The following CSGALNACT1 variants were observed in gnomAD, a reference collection of about 807,000 sequenced individuals.
CSGALNACT1 encodes chondroitin sulfate N-acetylgalactosaminyltransferase 1, also known as beta4GalNAcT-1.
A neutral mutation model predicts 51.0 loss-of-function variants in CSGALNACT1; 52 were observed. That is an observed-to-expected ratio of 1.02 (90% CI 0.82 to 1.29). The LOEUF (loss-of-function observed/expected upper bound fraction) is 1.29, where lower values mean the gene tolerates loss of function less well. Among genes scored for constraint, CSGALNACT1 ranks in the 50% most tolerant of loss-of-function variants. The pLI, the probability that CSGALNACT1 is intolerant of heterozygous loss-of-function variation, is 0.00. For synonymous variants in CSGALNACT1, 341 were observed against 254.4 expected, an observed-to-expected ratio of 1.34 and a Z score of -3.24; for missense variants, 935 against 679.2, an observed-to-expected ratio of 1.38 and a Z score of -4.19.
At chr8:19,731,392 C>T (rs1390486350) in intron 1 of CSGALNACT1, among the ~76,000 whole-genome samples, 1 of 152,148 alleles carries the variant, frequency 6.6e-6, no homozygotes, top group African/African-American at 2.4e-5. Flanking sequence ...CCTGTAATCC[C>T]AGCTTCTTGG....
intron 1 of CSGALNACT1, among the ~76,000 whole-genome samples, chr8:19,640,123 T>C (rs1433324106): frequency 6.6e-6 from 1 of 152,096 alleles, no homozygotes; most frequent in Non-Finnish European, 1.5e-5. Flanking sequence ...ATAACAAAGA[T>C]ATATAAGGTA....
intron 1 of CSGALNACT1, among the ~76,000 whole-genome samples, chr8:19,736,990 G>A (rs534154673): frequency 1.4e-4 from 21 of 151,946 alleles, no homozygotes; most frequent in South Asian, 2.1e-4. Flanking sequence ...GTAGAGATAG[G>A]AAAAACAAAG....
At chr8:19,554,710 G>C (rs1298317876) in intron 3 of CSGALNACT1, among the ~76,000 whole-genome samples, 1 of 152,120 alleles carries the variant, frequency 6.6e-6, no homozygotes, top group African/African-American at 2.4e-5. Flanking sequence ...CTGAGGTCAG[G>C]AGTTCAAGAC....
intron 6 of CSGALNACT1, among the ~76,000 whole-genome samples, chr8:19,424,572 G>A (rs193067750): frequency 2.6e-5 from 4 of 152,276 alleles, no homozygotes; most frequent in Admixed American, 2.0e-4. Flanking sequence ...CTCCTCATCT[G>A]AAACTTACCA....
At chr8:19,472,561 G>T (rs759196054) in intron 4 of CSGALNACT1, among the ~76,000 whole-genome samples, 3 of 152,188 alleles carry the variant, frequency 2.0e-5, no homozygotes, top group Admixed American at 6.5e-5. Flanking sequence ...ACCAATTCAA[G>T]GTTGCAAATG....
At chr8:19,646,528 G>C (rs1230951458) in intron 1 of CSGALNACT1, among the ~76,000 whole-genome samples, 1 of 152,188 alleles carries the variant, frequency 6.6e-6, no homozygotes, top group Admixed American at 6.5e-5. Flanking sequence ...AGAAACAATA[G>C]TGTCCAACGG....
intron 6 of CSGALNACT1, among the ~76,000 whole-genome samples, chr8:19,432,993 A>G (rs749260337): frequency 5.9e-5 from 9 of 152,078 alleles, no homozygotes; most frequent in Admixed American, 3.3e-4. Context: ...GTTTCTTCAC[A>G]TGCCTCATAA....
At chr8:19,405,347 A>G (rs778582347) in exon 10 of CSGALNACT1, 11 of 455,360 alleles carry the variant, frequency 2.4e-5, no homozygotes, top group South Asian at 1.1e-4. Context: ...CTGATATTTT[A>G]GCATTCCTAG....
chr8:19,585,241 C>T (rs1481488531), intron 3 of CSGALNACT1: 1 of 152,218 alleles, frequency 6.6e-6, no homozygotes, highest in Admixed American at 6.5e-5. Flanking sequence ...CACAAAGGTT[C>T]TCTCCTCCAA....
chr8:19,668,385 C>G (rs960564328), intron 1 of CSGALNACT1, among the ~76,000 whole-genome samples: 2 of 151,970 alleles, frequency 1.3e-5, no homozygotes, highest in Admixed American at 6.6e-5. Context: ...GGCAATCATT[C>G]CACATGAGCC....
intron 3 of CSGALNACT1, among the ~76,000 whole-genome samples, chr8:19,519,002 G>C (rs1215620379): frequency 6.6e-6 from 1 of 152,184 alleles, no homozygotes; most frequent in Admixed American, 6.5e-5. Flanking sequence ...GGTAGAAGGG[G>C]GGAACTGACG....
intron 1 of CSGALNACT1, among the ~76,000 whole-genome samples, chr8:19,622,187 C>A (rs146432209): frequency 2.0e-5 from 3 of 152,324 alleles, no homozygotes; most frequent in African/African-American, 4.8e-5. Context: ...TCAATGTCTT[C>A]CTCCAGGTCA....
At chr8:19,748,545 G>A (rs981714605) in intron 1 of CSGALNACT1, among the ~76,000 whole-genome samples, 1 of 152,072 alleles carries the variant, frequency 6.6e-6, no homozygotes, top group African/African-American at 2.4e-5. Flanking sequence ...TGCCATAACA[G>A]TTGACACATA....
intron 1 of CSGALNACT1, among the ~76,000 whole-genome samples, chr8:19,623,149 CAG>C (rs1171805999): frequency 3.3e-5 from 5 of 152,138 alleles, no homozygotes; most frequent in African/African-American, 1.2e-4. Flanking sequence ...ACTAACCAAA[CAG>C]AAACTGGGAA....
chr8:19,451,987 G>A lies in CSGALNACT1; in HGVS notation c.851+6439C>T, dbSNP rs1251043926. Among the ~76,000 whole-genome samples, 5 of 152,168 alleles carry A rather than the reference G, an allele frequency of 3.3e-5. No individual in the cohort carries two copies. The South Asian group carries it at 1.0e-3, about 31-fold the overall frequency. ...AAAGGTGATGCATGGGAAGGATAAT[G>A]CTTTAAATACATTAATCTGAAATAG... is the stretch of plus-strand genomic sequence containing the variant. On this transcript the variant is annotated intron_variant, in intron 5 of 9. Transcript: ENST00000454498.
At chr8:19,445,247 G>T (rs1400578854) in intron 5 of CSGALNACT1, among the ~76,000 whole-genome samples, 1 of 152,122 alleles carries the variant, frequency 6.6e-6, no homozygotes, top group Non-Finnish European at 1.5e-5. Flanking sequence ...CTCTGCCACG[G>T]TAGAATACAA....
intron 1 of CSGALNACT1, among the ~76,000 whole-genome samples, chr8:19,744,013 G>T (rs2064484931): frequency 6.6e-6 from 1 of 152,152 alleles, no homozygotes; most frequent in Non-Finnish European, 1.5e-5. Flanking sequence ...GTTATGACCA[G>T]ACTATTATTC....
intron 2 of CSGALNACT1, among the ~76,000 whole-genome samples, chr8:19,597,467 T>C (rs936142642): frequency 6.6e-6 from 1 of 151,680 alleles, no homozygotes; most frequent in Non-Finnish European, 1.5e-5. Context: ...GCTAATTTTA[T>C]TTATTTATTT....
intron 1 of CSGALNACT1, among the ~76,000 whole-genome samples, chr8:19,660,029 G>T (rs1215748395): frequency 2.6e-5 from 4 of 152,226 alleles, no homozygotes; most frequent in Non-Finnish European, 4.4e-5. Flanking sequence ...TATTGTCCCA[G>T]TCTTATAGAT....
Sources: allele counts gnomAD v4.1 joint callset (sites outside exome capture counted in the v4.1 genomes callset), GRCh38; gene constraint gnomAD v4.1.1; transcripts MANE v1.5; gene names NCBI Gene and HGNC (gene_info 2026-07-23, HGNC 2026-07-21).